The following TMEM120B variants were observed in gnomAD, a reference collection of about 807,000 sequenced individuals.
TMEM120B encodes transmembrane protein 120B.
In TMEM120B, 31 loss-of-function variants were observed where a neutral mutation model predicts 55.5. That is an observed-to-expected ratio of 0.56 (90% CI 0.42 to 0.75). The LOEUF is 0.75. Among genes scored for constraint, TMEM120B ranks in the 30% least tolerant of loss-of-function variants. The pLI is 0.00. For missense variants in TMEM120B, 399 were observed against 425.5 expected, an observed-to-expected ratio of 0.94 and a Z score of 0.55; for synonymous variants, 203 against 176.3, an observed-to-expected ratio of 1.15 and a Z score of -1.20.
intron 6 of TMEM120B, among the ~76,000 whole-genome samples, chr12:121,765,321 G>C (rs1873813753): frequency 6.6e-6 from 1 of 151,950 alleles, no homozygotes; most frequent in African/African-American, 2.4e-5. Context: ...GTAGAGATGG[G>C]GTTTCACCGT....
rs113833541 is a variant in TMEM120B at position 121,772,438 on chromosome 12, CT to C, written c.679+904del. On this transcript the variant is annotated intron_variant, in intron 8 of 11. Coordinates refer to ENST00000449592, the MANE Select transcript of TMEM120B (RefSeq NM_001080825.2). The stretch of plus-strand genomic sequence containing the variant: ...AGCCACCACGCCGTACCGTTTCTTT[CT>C]TTTTTTTTTTTTTTGAGATGGAGTT... Among the ~76,000 whole-genome samples, 439 of 128,376 alleles carry C rather than the reference CT, an allele frequency of 3.4e-3. 3 individuals are homozygous for C. The highest frequency in any genetic ancestry group is 0.013 in the East Asian group (58 of 4,352). The allele number at this position is 128,376 out of a possible 152,430, so 84.2% of individuals were successfully genotyped here.
chr12:121,774,607 G>C (rs776823406), intron 9 of TMEM120B, 51 bp from the exon 10 acceptor site: 1 of 1,584,762 alleles, frequency 6.3e-7, no homozygotes. Context: ...GTGGAGCTGT[G>C]GGGGCAGCGG....
Position 121,775,132 on chromosome 12 carries a change from T to C in TMEM120B, c.906+2T>C. 7.9e-7 allele frequency: 1 copy of C among 1,261,882 alleles called. No homozygotes were observed. Among genetic ancestry groups the C allele is most frequent in the South Asian group, 1.3e-5 (1 of 79,792 alleles). 78.2% of individuals were successfully genotyped at this position (1,261,882 alleles called of 1,614,324 possible). A position where few individuals can be genotyped will look rare whatever the true frequency, so the allele number is the denominator to read the frequency against. ...CACGAGGAATGCAGAGAATGGCAGG[T>C]ATGGGGGGTGGGGGCATGCTCGGGG... On this transcript the variant is annotated splice_donor_variant, in intron 11 of 11. Coordinates refer to ENST00000449592, the MANE Select transcript of TMEM120B (RefSeq NM_001080825.2). LOFTEE classifies it high-confidence loss of function. This position sits in a 1 kb window ranked among gnomAD's most constrained non-coding sequence, Gnocchi z 4.3.
chr12:121,780,746 A>AG lies in TMEM120B; in HGVS notation c.*5024_*5025insG. ...AGGCCATCAATACTAATAGTTAAAA[A>AG]TTATTCTTAGAATCTTGCTTCCCTC... is the stretch of plus-strand genomic sequence containing the variant. On this transcript the variant is annotated 3_prime_UTR_variant, in exon 12 of 12. Transcript: ENST00000449592. 1.8e-6 allele frequency: 2 copies of AG among 1,133,546 alleles called. No individual in the cohort carries two copies. Among genetic ancestry groups the AG allele is most frequent in the Admixed American group, 2.8e-5 (1 of 35,826 alleles). The allele number at this position is 1,133,546 out of a possible 1,614,324, so 70.2% of individuals were successfully genotyped here. A position where few individuals can be genotyped will look rare whatever the true frequency, so the allele number is the denominator to read the frequency against.
chr12:121,736,664 C>T (rs1895123321), intron 1 of TMEM120B, among the ~76,000 whole-genome samples: 1 of 152,204 alleles, frequency 6.6e-6, no homozygotes, highest in South Asian at 2.1e-4. Context: ...ATCCTCCTGC[C>T]TCAGCCTCTG....
intron 1 of TMEM120B, among the ~76,000 whole-genome samples, chr12:121,721,629 G>A (rs1387916620): frequency 6.6e-6 from 1 of 151,314 alleles, no homozygotes; most frequent in African/African-American, 2.4e-5. Context: ...GCACCACCAC[G>A]CCCAGCTAAT....
chr12:121,759,495 T>C (rs770495963), intron 5 of TMEM120B, among the ~76,000 whole-genome samples: 6 of 151,266 alleles, frequency 4.0e-5, no homozygotes, highest in Non-Finnish European at 8.8e-5. Flanking sequence ...CTGGCCAATG[T>C]GGTGAAACCC....
At chr12:121,759,780 T>C (rs9737587) in intron 5 of TMEM120B, among the ~76,000 whole-genome samples, 12,991 of 152,108 alleles carry the variant, frequency 0.085, 998 homozygotes, top group African/African-American at 0.2. Flanking sequence ...GTGAATCACT[T>C]GTGGTCAGGA....
intron 1 of TMEM120B, among the ~76,000 whole-genome samples, chr12:121,721,690 G>A (rs1317161859): frequency 1.3e-5 from 2 of 149,828 alleles, no homozygotes; most frequent in East Asian, 4.0e-4. Flanking sequence ...AGCTGGTCTT[G>A]AACTCCTAAC....
chr12:121,738,666 GA>G (rs1023502417), intron 1 of TMEM120B, among the ~76,000 whole-genome samples: 1 of 152,170 alleles, frequency 6.6e-6, no homozygotes, highest in Non-Finnish European at 1.5e-5. Flanking sequence ...ATTACCAGTG[GA>G]AAGTTGGACG....
intron 6 of TMEM120B, among the ~76,000 whole-genome samples, chr12:121,770,085 T>C (rs1423912833): frequency 6.6e-6 from 1 of 152,064 alleles, no homozygotes; most frequent in Non-Finnish European, 1.5e-5. Flanking sequence ...AGGCCCTGGG[T>C]GAGCCCGCTG....
At chr12:121,737,124 C>A (rs1315198000) in intron 1 of TMEM120B, among the ~76,000 whole-genome samples, 1 of 152,142 alleles carries the variant, frequency 6.6e-6, no homozygotes, top group Non-Finnish European at 1.5e-5. Flanking sequence ...TCAGACTAGT[C>A]ACAAGCCTAC....
At chr12:121,735,394 T>A (rs1256256017) in intron 1 of TMEM120B, among the ~76,000 whole-genome samples, 1 of 149,292 alleles carries the variant, frequency 6.7e-6, no homozygotes, top group African/African-American at 2.5e-5. Flanking sequence ...ATAAATACCA[T>A]ATTACCAGAT....
chr12:121,754,582 G>A (rs577217861), intron 5 of TMEM120B, among the ~76,000 whole-genome samples: 1 of 152,294 alleles, frequency 6.6e-6, no homozygotes, highest in East Asian at 1.9e-4. Context: ...TTGCCAGCAA[G>A]CCCGTATTGC....
rs1484586745 is a variant in TMEM120B at position 121,775,022 on chromosome 12, G to A, written c.838-40G>A. ...CCTGGCTTTCTACGTGGCCGGCCAG[G>A]GGAGTCTGGTGGGTGAGCAGCGCCT... On this transcript the variant is annotated intron_variant, in intron 10 of 11. Coordinates refer to ENST00000449592, the MANE Select transcript of TMEM120B (RefSeq NM_001080825.2). This position sits in a 1 kb window ranked among gnomAD's most constrained non-coding sequence, Gnocchi z 4.3. 5 of 1,611,466 alleles carry A rather than the reference G, an allele frequency of 3.1e-6. No individual in the cohort carries two copies. Among genetic ancestry groups the A allele is most frequent in the South Asian group, 2.2e-5 (2 of 90,766 alleles).
At chr12:121,718,555 TGAG>T (rs1230172370) in intron 1 of TMEM120B, among the ~76,000 whole-genome samples, 1 of 152,086 alleles carries the variant, frequency 6.6e-6, no homozygotes, top group African/African-American at 2.4e-5. Context: ...GTTTTTTAGA[TGAG>T]GAGATTGAAG....
chr12:121,750,059 T>C (rs75234281), intron 3 of TMEM120B, among the ~76,000 whole-genome samples: 4,230 of 152,070 alleles, frequency 0.028, 214 homozygotes, highest in African/African-American at 0.097. Flanking sequence ...AAAATTGACC[T>C]AGAGGTTGTA....
At chr12:121,769,662 C>T (rs1324341096) in intron 6 of TMEM120B, among the ~76,000 whole-genome samples, 1 of 152,036 alleles carries the variant, frequency 6.6e-6, no homozygotes, top group Non-Finnish European at 1.5e-5. Flanking sequence ...ATGATTGCAC[C>T]ACTGCACTCC....
intron 4 of TMEM120B, among the ~76,000 whole-genome samples, chr12:121,750,674 CCACACCA>C (rs1308443447): frequency 1.4e-5 from 2 of 145,566 alleles, no homozygotes; most frequent in African/African-American, 5.1e-5. Context: ...CACCCACACC[CCACACCA>C]CACACTCAAA....
Sources: gnomAD v4.1 joint callset for allele counts (sites outside exome capture counted in the v4.1 genomes callset) on GRCh38, gnomAD v4.1.1 for gene constraint, Gnocchi (gnomAD v3.1) non-coding constraint, MANE v1.5 for transcripts, NCBI Gene and HGNC (gene_info 2026-07-23, HGNC 2026-07-21) for gene names.